Variants in ARL15 observed in about 807,000 individuals in gnomAD.
ARL15 encodes the protein ARF like GTPase 15.
ARL15 carries 19 observed loss-of-function variants against 25.2 expected under a neutral mutation model. The ratio of observed to expected loss-of-function variants is 0.75; its 90% CI spans 0.53 to 1.10. The LOEUF (loss-of-function observed/expected upper bound fraction) is 1.10, where lower values mean the gene tolerates loss of function less well. ARL15 is among the 50% of genes least tolerant of loss of function. The pLI is 0.00. For missense variants in ARL15, 220 were observed against 246.0 expected (o/e 0.89, Z 0.71); for synonymous variants, 94 against 86.8 (o/e 1.08, Z -0.46).
intron 1 of ARL15, among the ~76,000 whole-genome samples, chr5:54,172,537 T>A (rs974282215): frequency 3.3e-5 from 5 of 152,100 alleles, no homozygotes; most frequent in Admixed American, 2.0e-4. Flanking sequence ...CAATGTACTG[T>A]GGTTATGTAA....
intron 4 of ARL15, among the ~76,000 whole-genome samples, chr5:54,069,187 G>A (rs1751338815): frequency 6.6e-6 from 1 of 151,868 alleles, no homozygotes; most frequent in Non-Finnish European, 1.5e-5. Flanking sequence ...GGATGATGAG[G>A]GTAATAATGA....
chr5:54,205,332 T>G (rs1463374288), intron 1 of ARL15, among the ~76,000 whole-genome samples: 3 of 152,162 alleles, frequency 2.0e-5, no homozygotes, highest in African/African-American at 7.2e-5. Flanking sequence ...TAACAAGATC[T>G]GGGATTTGAA....
chr5:54,210,903 T>C (rs1756020477), intron 1 of ARL15, among the ~76,000 whole-genome samples: 2 of 152,202 alleles, frequency 1.3e-5, no homozygotes, highest in Admixed American at 1.3e-4. Context: ...CCCAATCTAG[T>C]GCTTTTTCTG....
At chr5:54,101,730 G>C (rs1752444663) in intron 4 of ARL15, among the ~76,000 whole-genome samples, 2 of 152,008 alleles carry the variant, frequency 1.3e-5, no homozygotes, top group Admixed American at 6.5e-5. Flanking sequence ...CTCATGCTTT[G>C]CCTTAAAATC....
intron 1 of ARL15, among the ~76,000 whole-genome samples, chr5:54,240,075 A>G (rs1756918520): frequency 6.6e-6 from 1 of 151,812 alleles, no homozygotes; most frequent in African/African-American, 2.4e-5. Flanking sequence ...AAAATACAAA[A>G]AATTAGCCGG....
chr5:53,916,374 G>C (rs1745646962), intron 4 of ARL15, among the ~76,000 whole-genome samples: 1 of 151,524 alleles, frequency 6.6e-6, no homozygotes, highest in South Asian at 2.1e-4. Flanking sequence ...TGGGAGGAGG[G>C]AGAGATTTGA....
chr5:53,918,333 G>A (rs1392655249), intron 4 of ARL15, among the ~76,000 whole-genome samples: 3 of 151,970 alleles, frequency 2.0e-5, no homozygotes, highest in Non-Finnish European at 2.9e-5. Context: ...CAACAAATGT[G>A]TACTACCATG....
intron 3 of ARL15, among the ~76,000 whole-genome samples, chr5:54,136,978 T>A (rs75388825): frequency 6.6e-6 from 1 of 152,128 alleles, no homozygotes; most frequent in East Asian, 1.9e-4. Flanking sequence ...CTCCAAACAT[T>A]CTCCTTCCAG....
chr5:54,111,106 A>G (rs182348594), intron 4 of ARL15, among the ~76,000 whole-genome samples: 1 of 152,098 alleles, frequency 6.6e-6, no homozygotes, highest in African/African-American at 2.4e-5. Context: ...AAGTGTAGAC[A>G]TGCACCTGTA....
chr5:53,968,960 C>T (rs1009935693), intron 4 of ARL15, among the ~76,000 whole-genome samples: 1 of 151,608 alleles, frequency 6.6e-6, no homozygotes, highest in Non-Finnish European at 1.5e-5. Context: ...CCAGCCTGGA[C>T]AACATGGTGA....
chr5:54,044,495 T>A (rs1018894302), intron 4 of ARL15, among the ~76,000 whole-genome samples: 5 of 152,142 alleles, frequency 3.3e-5, no homozygotes, highest in African/African-American at 1.2e-4. Flanking sequence ...TCCACCCGCC[T>A]TGGCCTCCCA....
chr5:53,928,860 C>T (rs1369240815), intron 4 of ARL15, among the ~76,000 whole-genome samples: 3 of 152,132 alleles, frequency 2.0e-5, no homozygotes, highest in Non-Finnish European at 2.9e-5. Context: ...GCCGAGTCCA[C>T]GCTCAGAATG....
At chr5:54,069,581 A>AAAAAAAAAAAAAAAAC in intron 4 of ARL15, among the ~76,000 whole-genome samples, 1 of 130,578 alleles carries the variant, frequency 7.7e-6, no homozygotes, top group East Asian at 2.3e-4. Context: ...AAAAAAAAAA[A>AAAAAAAAAAAAAAAAC]AAACCACGAA....
chr5:53,937,605 C>T (rs954064728), intron 4 of ARL15, among the ~76,000 whole-genome samples: 2 of 152,052 alleles, frequency 1.3e-5, no homozygotes, highest in Non-Finnish European at 2.9e-5. Flanking sequence ...GCTACAGTTG[C>T]CTACAGTATT....
intron 1 of ARL15, among the ~76,000 whole-genome samples, chr5:54,198,007 A>G (rs1017616703): frequency 2.6e-5 from 4 of 151,858 alleles, no homozygotes; most frequent in African/African-American, 9.7e-5. Flanking sequence ...AAATCAATAA[A>G]TGTAATCCAG....
intron 1 of ARL15, among the ~76,000 whole-genome samples, chr5:54,261,916 C>T (rs1290906715): frequency 6.6e-6 from 1 of 152,068 alleles, no homozygotes; most frequent in African/African-American, 2.4e-5. Flanking sequence ...GGATAATGTG[C>T]TAAGTTAAAT....
chr5:54,174,170 C>T (rs1220605225), intron 1 of ARL15, among the ~76,000 whole-genome samples: 1 of 152,140 alleles, frequency 6.6e-6, no homozygotes, highest in Non-Finnish European at 1.5e-5. Flanking sequence ...ATAGAATCTA[C>T]CCTCAGCAGA....
At chr5:54,119,698 G>T (rs1011497883) in intron 3 of ARL15, among the ~76,000 whole-genome samples, 2 of 152,046 alleles carry the variant, frequency 1.3e-5, no homozygotes, top group East Asian at 1.9e-4. Context: ...TGAGCAAAAC[G>T]TTTTGCTCTC....
chr5:54,240,078 T>A (rs1253308403), intron 1 of ARL15, among the ~76,000 whole-genome samples: 2 of 151,764 alleles, frequency 1.3e-5, no homozygotes, highest in Admixed American at 6.6e-5. Context: ...ATACAAAAAA[T>A]TAGCCGGGTG....
Sources: allele counts gnomAD v4.1 joint callset (sites outside exome capture counted in the v4.1 genomes callset), GRCh38; gene constraint gnomAD v4.1.1; transcripts MANE v1.5; gene names NCBI Gene and HGNC (gene_info 2026-07-23, HGNC 2026-07-21).